The following CA8 variants were observed in gnomAD, a reference collection of about 807,000 sequenced individuals.
CA8 encodes carbonic anhydrase 8 (inactive), also known as carbonic anhydrase-related protein.
Under a neutral mutation model 41.4 loss-of-function variants are expected in CA8, and 22 were observed. That is an observed-to-expected ratio of 0.53 (90% CI 0.38 to 0.76). CA8 has a LOEUF of 0.76. Ranked by LOEUF, CA8 falls within the 30% of genes least tolerant of loss-of-function variation. CA8 has a pLI of 0.00. For synonymous variants in CA8, 121 were observed against 130.6 expected, an observed-to-expected ratio of 0.93 and a Z score of 0.50; for missense variants, 270 against 352.8, an observed-to-expected ratio of 0.77 and a Z score of 1.88.
intron 5 of CA8, 76 bp from the exon 6 acceptor site, chr8:60,224,661 A>G: frequency 1.1e-6 from 1 of 920,454 alleles, no homozygotes; most frequent in Non-Finnish European, 1.8e-6. Context: ...TATTAGAACT[A>G]AAAAATTAGA....
chr8:60,218,461 A>C (rs1294540245), intron 7 of CA8, among the ~76,000 whole-genome samples: 3 of 152,174 alleles, frequency 2.0e-5, no homozygotes, highest in African/African-American at 4.8e-5. Context: ...TGAATGAATG[A>C]ATGCATGCAT....
rs370501172 is a variant in CA8, at chr8:60,224,185, G to A, written c.625+352C>T. On this transcript the variant is annotated intron_variant, in intron 6 of 8. Coordinates refer to ENST00000317995, the MANE Select transcript of CA8 (RefSeq NM_004056.6). The stretch of plus-strand genomic sequence containing the variant: ...CAACCTCCACCTCCTGGGTTCAAGC[G>A]ATTCTCCTGCTTCAGCCTCCTGAGT... Among the ~76,000 whole-genome samples the A allele has an allele frequency of 5.3e-5, 8 of 152,158 alleles. No homozygotes were observed. The East Asian group carries it at 5.8e-4, about 11-fold the overall frequency.
intron 7 of CA8, among the ~76,000 whole-genome samples, chr8:60,209,534 T>C (rs180868359): frequency 1.6e-4 from 25 of 152,348 alleles, no homozygotes; most frequent in Middle Eastern, 3.4e-3. Context: ...TGCCTATCTA[T>C]AGCATAATAA....
At position 60,225,050 on chromosome 8, in the gene CA8, T is replaced by C. The variant is rs147167642; in HGVS notation, c.577-465A>G. Among the ~76,000 whole-genome samples the C allele has an allele frequency of 3.3e-3, 501 of 152,082 alleles. 1 individual carries two copies. The highest frequency in any genetic ancestry group is 5.4e-3 in the Non-Finnish European group (367 of 68,002). ...CCTGTCTTGTCCTATTTGGATTTGG[T>C]AACTCAGCTCTGGGATCTATGCTAG... On this transcript the variant is annotated intron_variant, in intron 5 of 8. Coordinates refer to ENST00000317995, the MANE Select transcript of CA8 (RefSeq NM_004056.6).
chr8:60,252,833 CTG>C lies in CA8; in HGVS notation c.417+13090_417+13091del, dbSNP rs575811970. 4.5e-3 allele frequency among the ~76,000 whole-genome samples: 514 copies of C among 114,112 alleles called. 2 individuals are homozygous for C. Among genetic ancestry groups the C allele is most frequent in the South Asian group, 6.4e-3 (25 of 3,922 alleles). The allele number at this position is 114,112 out of a possible 152,430, so 74.9% of individuals were successfully genotyped here. ...ATGAATATATTACAAATATTCCAAA[CTG>C]TGAAAAAAATTCAAAATCCAAAATA... On this transcript the variant is annotated intron_variant, in intron 3 of 8. Coordinates refer to ENST00000317995, the MANE Select transcript of CA8 (RefSeq NM_004056.6).
intron 3 of CA8, chr8:60,265,291 G>A: frequency 6.5e-6 from 1 of 153,332 alleles, no homozygotes. Flanking sequence ...CGCCATGGCA[G>A]TGCCCTATCA....
chr8:60,194,633 T>C (rs1353737084), intron 8 of CA8, among the ~76,000 whole-genome samples: 1 of 152,190 alleles, frequency 6.6e-6, no homozygotes. Context: ...GCTTCTTAAA[T>C]AGCTTTCAAC....
At chr8:60,211,273 G>A (rs1806826542) in intron 7 of CA8, among the ~76,000 whole-genome samples, 1 of 152,228 alleles carries the variant, frequency 6.6e-6, no homozygotes, top group Admixed American at 6.5e-5. Context: ...AACTTCTTTT[G>A]AAGTGAAACC....
intron 7 of CA8, among the ~76,000 whole-genome samples, chr8:60,211,211 T>C (rs562443287): frequency 3.9e-5 from 6 of 152,352 alleles, no homozygotes; most frequent in African/African-American, 1.4e-4. Flanking sequence ...TCACTCAGCA[T>C]AGTTCCAAGC....
intron 3 of CA8, chr8:60,265,430 C>T (rs115790425): frequency 7.5e-4 from 119 of 159,556 alleles, no homozygotes; most frequent in African/African-American, 2.7e-3. Flanking sequence ...GAACGTAAGT[C>T]GGGGAGGGAA....
At chr8:60,266,101 T>A in intron 2 of CA8, 52 bp from the exon 3 acceptor site, 1 of 1,565,106 alleles carries the variant, frequency 6.4e-7, no homozygotes, top group East Asian at 2.3e-5. Flanking sequence ...TACCTCAGCA[T>A]TATAAACATT....
chr8:60,251,538 T>C (rs1808447232), intron 3 of CA8, among the ~76,000 whole-genome samples: 1 of 152,222 alleles, frequency 6.6e-6, no homozygotes. Context: ...TTTAACAACA[T>C]ACGGGTCTCC....
intron 2 of CA8, 68 bp from the exon 3 acceptor site, chr8:60,266,117 C>CTTT: frequency 1.6e-6 from 2 of 1,256,054 alleles, no homozygotes; most frequent in Non-Finnish European, 2.2e-6. Flanking sequence ...ACATTAGAGA[C>CTTT]TTTTTTTTTT....
chr8:60,234,459 G>A (rs901538901), intron 3 of CA8, among the ~76,000 whole-genome samples: 4 of 152,194 alleles, frequency 2.6e-5, no homozygotes, highest in Non-Finnish European at 5.9e-5. Context: ...CCATGCTAAT[G>A]TAAAATGTTA....
rs953792011 is a variant in CA8, at chr8:60,185,812, C to T, written c.*4209G>A. 2.0e-5 allele frequency among the ~76,000 whole-genome samples: 3 copies of T among 151,792 alleles called. No individual in the cohort carries two copies. The highest frequency in any genetic ancestry group is 2.9e-5 in the Non-Finnish European group (2 of 67,950). On this transcript the variant is annotated 3_prime_UTR_variant, in exon 9 of 9. Coordinates refer to ENST00000317995, the MANE Select transcript of CA8 (RefSeq NM_004056.6). ...AATATATTAAAAAAAGGACTTCTGC[C>T]TGGAATGAAGTGACCCCAGATACTA...
chr8:60,196,326 T>A (rs574208961), intron 8 of CA8, among the ~76,000 whole-genome samples: 162 of 152,314 alleles, frequency 1.1e-3, no homozygotes, highest in Admixed American at 1.8e-3. Context: ...CCATAGCTCA[T>A]GAAATCCTCA....
chr8:60,267,434 G>A (rs1288488379), intron 2 of CA8, among the ~76,000 whole-genome samples: 1 of 152,170 alleles, frequency 6.6e-6, no homozygotes, highest in African/African-American at 2.4e-5. Context: ...CACATCAACA[G>A]GAAAGGGAAG....
intron 3 of CA8, among the ~76,000 whole-genome samples, chr8:60,250,523 G>T (rs146566572): frequency 2.0e-5 from 3 of 152,000 alleles, no homozygotes; most frequent in African/African-American, 7.2e-5. Context: ...TCTAACACCC[G>T]TTCTTTTTCC....
At chr8:60,247,620 A>C (rs7814280) in intron 3 of CA8, among the ~76,000 whole-genome samples, 58,843 of 152,000 alleles carry the variant, frequency 0.39, 11,734 homozygotes, top group African/African-American at 0.48. Context: ...GTTCCATGGT[A>C]TATATGTACC....
Sources: allele counts gnomAD v4.1 joint callset (sites outside exome capture counted in the v4.1 genomes callset), GRCh38; gene constraint gnomAD v4.1.1; transcripts MANE v1.5; gene names NCBI Gene and HGNC (gene_info 2026-07-23, HGNC 2026-07-21).